The following GRID1 variants were observed in gnomAD, a reference collection of about 807,000 sequenced individuals.
The protein encoded by GRID1 is glutamate receptor ionotropic, delta-1.
In GRID1, 28 loss-of-function variants were observed where a neutral mutation model predicts 98.0. The observed-to-expected ratio is 0.29, with a 90% CI of 0.21 to 0.39. The LOEUF is 0.39. Among genes scored for constraint, GRID1 ranks in the 10% least tolerant of loss-of-function variants. The pLI is 1.00. For missense variants in GRID1, 1,111 were observed against 1,340.5 expected, an observed-to-expected ratio of 0.83 and a Z score of 2.67; for synonymous variants, 553 against 538.5, an observed-to-expected ratio of 1.03 and a Z score of -0.37.
intron 4 of GRID1, among the ~76,000 whole-genome samples, chr10:86,101,704 A>T (rs987097492): frequency 7.3e-5 from 11 of 150,956 alleles, no homozygotes; most frequent in Non-Finnish European, 1.3e-4. Context: ...GTGTGGTGCA[A>T]TCATAGCTCA....
intron 2 of GRID1, among the ~76,000 whole-genome samples, chr10:86,259,497 C>T (rs929116821): frequency 3.1e-4 from 19 of 61,702 alleles, no homozygotes; most frequent in Admixed American, 2.6e-3. Flanking sequence ...TCATTACATA[C>T]GAGGTTGTAT....
At chr10:85,849,078 C>A (rs1843033913) in intron 8 of GRID1, among the ~76,000 whole-genome samples, 1 of 152,140 alleles carries the variant, frequency 6.6e-6, no homozygotes, top group African/African-American at 2.4e-5. Context: ...GCTCCTAGCA[C>A]CAACTGCTGG....
intron 4 of GRID1, among the ~76,000 whole-genome samples, chr10:86,104,355 C>G (rs895844667): frequency 6.6e-6 from 1 of 152,190 alleles, no homozygotes; most frequent in Non-Finnish European, 1.5e-5. Flanking sequence ...CAGACACCCA[C>G]GAGAAGGCCC....
At chr10:86,290,327 G>A (rs1004491194) in intron 2 of GRID1, among the ~76,000 whole-genome samples, 1 of 152,162 alleles carries the variant, frequency 6.6e-6, no homozygotes, top group Admixed American at 6.5e-5. Context: ...GGTGCTCCTG[G>A]GGAGGACACA....
intron 4 of GRID1, among the ~76,000 whole-genome samples, chr10:86,007,017 A>C (rs1414221580): frequency 6.6e-6 from 1 of 151,978 alleles, no homozygotes; most frequent in East Asian, 1.9e-4. Flanking sequence ...AGGATGGGGG[A>C]AGCAGGGGTC....
At position 85,774,571 on chromosome 10, in the gene GRID1, A is replaced by G. The variant is rs879605847; in HGVS notation, c.1234-44957T>C. ...ACATGGGAGAAAATTTTCGCAACCT[A>G]CTCATCTGACAAAGGGCTAATATCC... On this transcript the variant is annotated intron_variant, in intron 8 of 15. Transcript: ENST00000327946. Among the ~76,000 whole-genome samples, 414 of 152,148 alleles carry G rather than the reference A, an allele frequency of 2.7e-3. No individual in the cohort carries two copies. The Middle Eastern group carries it at 0.037, about 14-fold the overall frequency.
chr10:86,297,562 A>T (rs1005204616), intron 2 of GRID1, among the ~76,000 whole-genome samples: 1 of 152,214 alleles, frequency 6.6e-6, no homozygotes, highest in Non-Finnish European at 1.5e-5. Flanking sequence ...GGGAGTGATA[A>T]TTTCTCAAGT....
chr10:86,086,173 T>C (rs1214511618), intron 4 of GRID1, among the ~76,000 whole-genome samples: 1 of 152,128 alleles, frequency 6.6e-6, no homozygotes, highest in Non-Finnish European at 1.5e-5. Flanking sequence ...GGCTCCTTCC[T>C]GCCACAGAAC....
chr10:85,825,367 A>G (rs760382943), intron 8 of GRID1, among the ~76,000 whole-genome samples: 1 of 142,340 alleles, frequency 7.0e-6, no homozygotes, highest in Non-Finnish European at 1.5e-5. Context: ...TCATTTGTCC[A>G]TTTTCTGATG....
intron 4 of GRID1, among the ~76,000 whole-genome samples, chr10:86,105,303 GT>G (rs1245556918): frequency 6.6e-6 from 1 of 152,168 alleles, no homozygotes; most frequent in African/African-American, 2.4e-5. Flanking sequence ...GGCCTGGAGT[GT>G]GCCCACCACA....
intron 5 of GRID1, among the ~76,000 whole-genome samples, chr10:85,888,089 A>G (rs998641388): frequency 8.5e-5 from 13 of 152,204 alleles, no homozygotes; most frequent in Non-Finnish European, 5.9e-5. Context: ...CCAGGACATC[A>G]AAACAGGACT....
chr10:86,361,027 C>A (rs57327547), intron 2 of GRID1, among the ~76,000 whole-genome samples: 45,080 of 152,110 alleles, frequency 0.3, 9,653 homozygotes, highest in African/African-American at 0.59. Context: ...AAGTCTTTTT[C>A]TTTCCTACTC....
At chr10:86,259,193 G>A (rs1024094867) in intron 2 of GRID1, among the ~76,000 whole-genome samples, 1 of 152,198 alleles carries the variant, frequency 6.6e-6, no homozygotes, top group Admixed American at 6.5e-5. Flanking sequence ...TTCCTTTGAC[G>A]ACCCAGCCCC....
intron 8 of GRID1, among the ~76,000 whole-genome samples, chr10:85,793,221 T>G (rs1842497007): frequency 6.6e-6 from 1 of 152,206 alleles, no homozygotes; most frequent in South Asian, 2.1e-4. Flanking sequence ...CACTTCCATG[T>G]GCACTCCTTG....
chr10:86,004,347 G>T (rs1290526229), intron 4 of GRID1, among the ~76,000 whole-genome samples: 1 of 152,190 alleles, frequency 6.6e-6, no homozygotes, highest in Non-Finnish European at 1.5e-5. Context: ...GCTTCCCAAA[G>T]TCCCTCTGTA....
At chr10:86,314,653 A>T (rs1847875023) in intron 2 of GRID1, among the ~76,000 whole-genome samples, 1 of 152,212 alleles carries the variant, frequency 6.6e-6, no homozygotes, top group Admixed American at 6.5e-5. Context: ...CACCAGAACA[A>T]GACCCCCTGA....
At chr10:86,266,618 A>C (rs971126248) in intron 2 of GRID1, among the ~76,000 whole-genome samples, 3 of 152,220 alleles carry the variant, frequency 2.0e-5, no homozygotes, top group Non-Finnish European at 4.4e-5. Flanking sequence ...CCCAGCTCAG[A>C]GCCGCCAGGC....
At chr10:85,633,401 T>C (rs894144592) in intron 13 of GRID1, among the ~76,000 whole-genome samples, 4 of 152,218 alleles carry the variant, frequency 2.6e-5, no homozygotes, top group African/African-American at 7.2e-5. Context: ...CACTATGCTA[T>C]GTTGCCTTTA....
chr10:86,292,587 C>G (rs906324940), intron 2 of GRID1, among the ~76,000 whole-genome samples: 23 of 152,218 alleles, frequency 1.5e-4, no homozygotes, highest in African/African-American at 5.3e-4. Context: ...GGAGGGGTCC[C>G]CCTGTACCTC....
Sources: gnomAD v4.1 joint callset for allele counts (sites outside exome capture counted in the v4.1 genomes callset) on GRCh38, gnomAD v4.1.1 for gene constraint, MANE v1.5 for transcripts, NCBI Gene and HGNC (gene_info 2026-07-23, HGNC 2026-07-21) for gene names.